Variants in MAD1L1 observed in about 807,000 individuals in gnomAD.
The protein encoded by MAD1L1 is mitotic arrest deficient 1 like 1.
MAD1L1 carries 95 observed loss-of-function variants against 96.9 expected under a neutral mutation model. The ratio of observed to expected loss-of-function variants is 0.98; its 90% CI spans 0.83 to 1.16. The LOEUF is 1.16. Among genes scored for constraint, MAD1L1 ranks in the 50% most tolerant of loss-of-function variants. The probability of loss-of-function intolerance (pLI) is 0.00; values close to 1 mark genes in which losing one functional copy is unlikely to be tolerated. For missense variants in MAD1L1, 1,007 were observed against 954.4 expected (o/e 1.06, Z -0.73); for synonymous variants, 473 against 396.6 (o/e 1.19, Z -2.29).
intron 11 of MAD1L1, among the ~76,000 whole-genome samples, chr7:2,136,476 C>T (rs1042184962): frequency 1.3e-5 from 2 of 152,216 alleles, no homozygotes; most frequent in Admixed American, 6.5e-5. Flanking sequence ...TTCTTTGTTC[C>T]GACTCTCTTA....
intron 18 of MAD1L1, among the ~76,000 whole-genome samples, chr7:1,838,299 C>T (rs1451320332): frequency 6.6e-6 from 1 of 152,222 alleles, no homozygotes; most frequent in Non-Finnish European, 1.5e-5. Flanking sequence ...AGTTAAATTA[C>T]CATGTGACCC....
chr7:1,928,197 C>T (rs1002467751), intron 17 of MAD1L1, among the ~76,000 whole-genome samples: 4 of 149,434 alleles, frequency 2.7e-5, no homozygotes, highest in Admixed American at 2.7e-4. Context: ...CCACCACCCG[C>T]CGGTCCCTAA....
At chr7:1,821,830 C>T (rs562290114) in intron 18 of MAD1L1, among the ~76,000 whole-genome samples, 13 of 152,322 alleles carry the variant, frequency 8.5e-5, no homozygotes, top group Admixed American at 3.9e-4. Flanking sequence ...CGCTGCTTCA[C>T]GGAAGAGTCT....
rs752357470 is a variant in MAD1L1, at chr7:2,209,168, C to T, written c.986+4044G>A. 1.3e-4 allele frequency among the ~76,000 whole-genome samples: 20 copies of T among 152,314 alleles called. 1 individual carries two copies. The highest frequency in any genetic ancestry group is 1.0e-3 in the South Asian group (5 of 4,828). On this transcript the variant is annotated intron_variant, in intron 10 of 18. Coordinates refer to ENST00000265854, the MANE Select transcript of MAD1L1 (RefSeq NM_001013836.2). ...AGGCCTGTGTGACACATAAGGACCTCGTTCCACAGGGTCTTCCCATGGTTT... is the reference window on the plus strand; with the variant it reads ...AGGCCTGTGTGACACATAAGGACCTTGTTCCACAGGGTCTTCCCATGGTTT...
chr7:1,821,527 A>G (rs1583470038), intron 18 of MAD1L1, among the ~76,000 whole-genome samples: 1 of 152,282 alleles, frequency 6.6e-6, no homozygotes, highest in East Asian at 1.9e-4. Context: ...AGCTGCAAAA[A>G]TACTCAACAA....
intron 3 of MAD1L1, among the ~76,000 whole-genome samples, chr7:2,226,039 A>G (rs1793876347): frequency 6.6e-6 from 1 of 151,996 alleles, no homozygotes; most frequent in Non-Finnish European, 1.5e-5. Flanking sequence ...GGCCCTCTCC[A>G]TCTCCAAAGT....
chr7:1,845,495 C>T (rs990929381), intron 18 of MAD1L1: 2 of 132,604 alleles, frequency 1.5e-5, no homozygotes, highest in Non-Finnish European at 3.3e-5. Flanking sequence ...GGCTCTGATT[C>T]ATGGGGAAGA....
chr7:1,985,308 T>C (rs1781089382), intron 14 of MAD1L1, among the ~76,000 whole-genome samples: 1 of 152,252 alleles, frequency 6.6e-6, no homozygotes, highest in Admixed American at 6.5e-5. Context: ...AGCTCCCGTT[T>C]TCCGCCCAGG....
intron 17 of MAD1L1, among the ~76,000 whole-genome samples, chr7:1,901,160 T>C (rs1583708252): frequency 6.6e-6 from 1 of 152,032 alleles, no homozygotes; most frequent in Non-Finnish European, 1.5e-5. Flanking sequence ...ACGGAGTCGG[T>C]TCAGTTTGGG....
intron 18 of MAD1L1, among the ~76,000 whole-genome samples, chr7:1,865,969 C>T (rs1023566594): frequency 4.1e-4 from 63 of 152,262 alleles, no homozygotes; most frequent in African/African-American, 1.5e-3. Context: ...ATGGGCCAGG[C>T]AGACAGCCGT....
chr7:1,935,862 G>A (rs998447351), intron 17 of MAD1L1, among the ~76,000 whole-genome samples: 3 of 152,240 alleles, frequency 2.0e-5, no homozygotes, highest in African/African-American at 4.8e-5. Context: ...GCTGGCAGCC[G>A]GGTGGCTCTA....
chr7:2,028,666 C>G (rs896219995), intron 12 of MAD1L1, among the ~76,000 whole-genome samples: 1 of 152,040 alleles, frequency 6.6e-6, no homozygotes, highest in East Asian at 1.9e-4. Flanking sequence ...TATCAGGTAA[C>G]GAGACTCTAA....
intron 11 of MAD1L1, among the ~76,000 whole-genome samples, chr7:2,089,659 G>A (rs948763048): frequency 7.3e-5 from 11 of 150,660 alleles, no homozygotes; most frequent in South Asian, 2.1e-4. Context: ...ACCTGTCCCC[G>A]GGGCCCACCC....
chr7:2,232,192 A>C (rs1165188959), intron 1 of MAD1L1, among the ~76,000 whole-genome samples: 2 of 152,208 alleles, frequency 1.3e-5, no homozygotes, highest in African/African-American at 4.8e-5. Context: ...TTAAAAGCCA[A>C]AGGTAGAACT....
intron 12 of MAD1L1, among the ~76,000 whole-genome samples, chr7:2,044,596 G>A (rs1783837913): frequency 6.6e-6 from 1 of 152,144 alleles, no homozygotes; most frequent in African/African-American, 2.4e-5. Flanking sequence ...CGGCCGGGAG[G>A]TCTGGGTCCT....
At chr7:2,092,425 A>C (rs1272075067) in intron 11 of MAD1L1, among the ~76,000 whole-genome samples, 1 of 151,860 alleles carries the variant, frequency 6.6e-6, no homozygotes, top group Non-Finnish European at 1.5e-5. Flanking sequence ...CGCCCCACCC[A>C]AGCATCCTCC....
In MAD1L1 at chr7:2,103,929, G is replaced by A. The variant is rs539311471; in HGVS notation, c.1074-34591C>T. Among the ~76,000 whole-genome samples, 21 of 152,322 alleles carry A rather than the reference G, an allele frequency of 1.4e-4. No homozygotes were observed. The highest frequency in any genetic ancestry group is 3.8e-4 in the African/African-American group (16 of 41,572). ...ACAACACTCCACCCCGCTGGACGTC[G>A]GAGAAAGAGGCCCCCAGACACATGG... On this transcript the variant is annotated intron_variant, in intron 11 of 18. Transcript: ENST00000265854. The surrounding 1 kb of genome is among the most constrained non-coding windows in gnomAD (Gnocchi z 4.3).
chr7:2,002,053 C>A lies in MAD1L1; in HGVS notation c.1416+12G>T. On this transcript the variant is annotated intron_variant, in intron 14 of 18. Coordinates refer to ENST00000265854, the MANE Select transcript of MAD1L1 (RefSeq NM_001013836.2). ...GTGCCCTGAATCCCAGCCACTCCCG[C>A]GTCTGACTCACCATGTCTGCTCTTT... 1.2e-6 allele frequency: 2 copies of A among 1,613,070 alleles called. No homozygotes were observed. Among genetic ancestry groups the A allele is most frequent in the South Asian group, 1.1e-5 (1 of 91,082 alleles).
rs1161855739 is a variant in MAD1L1, at chr7:2,214,854, C to G, written c.924+1031G>C. On this transcript the variant is annotated intron_variant, in intron 9 of 18. Coordinates refer to ENST00000265854, the MANE Select transcript of MAD1L1 (RefSeq NM_001013836.2). ...AGGGCCCTGCCAGCCCTGATCCTCA[C>G]AGTGCCACACGCATTCTGACTCACC... is the stretch of plus-strand genomic sequence containing the variant. 2.6e-5 allele frequency among the ~76,000 whole-genome samples: 4 copies of G among 152,218 alleles called. No individual in the cohort carries two copies. In the East Asian group the frequency reaches 7.7e-4, roughly 29 times the overall value.
Sources: gnomAD v4.1 joint callset for allele counts (sites outside exome capture counted in the v4.1 genomes callset) on GRCh38, gnomAD v4.1.1 for gene constraint, Gnocchi (gnomAD v3.1) non-coding constraint, MANE v1.5 for transcripts, NCBI Gene and HGNC (gene_info 2026-07-23, HGNC 2026-07-21) for gene names.